CDCP2: variants seen among roughly 807,000 people sequenced by gnomAD.
CDCP2 encodes the protein CUB domain containing protein 2, also known as CUB domain-containing protein 2.
In CDCP2, 31 loss-of-function variants were observed where a neutral mutation model predicts 31.0. The ratio of observed to expected loss-of-function variants is 1.00; its 90% CI spans 0.75 to 1.35. The LOEUF (loss-of-function observed/expected upper bound fraction) is 1.35, where lower values mean the gene tolerates loss of function less well. Ranked by LOEUF, CDCP2 falls within the 40% of genes most tolerant of loss-of-function variation. CDCP2 has a pLI of 0.00. For missense variants in CDCP2, 443 were observed against 482.6 expected (o/e 0.92, Z 0.77); for synonymous variants, 206 against 207.9 (o/e 0.99, Z 0.08).
intron 1 of CDCP2, among the ~76,000 whole-genome samples, chr1:54,150,146 G>A (rs966635308): frequency 4.6e-5 from 7 of 152,244 alleles, no homozygotes; most frequent in African/African-American, 1.7e-4. Flanking sequence ...CCCGCAGGGT[G>A]AGCATGTGCT....
rs1336079359 is a variant in CDCP2, at chr1:54,136,690, CT to C, written c.1235del (p.Gln412ArgfsTer28). 1 of 399,168 alleles carries C rather than the reference CT, an allele frequency of 2.5e-6. No homozygotes were observed. The highest frequency in any genetic ancestry group is 4.4e-6 in the Non-Finnish European group (1 of 226,138). 24.7% of individuals were successfully genotyped at this position (399,168 alleles called of 1,614,324 possible). On this transcript the variant is annotated frameshift_variant, in exon 5 of 6. Transcript: ENST00000530059. LOFTEE classifies it high-confidence loss of function. ...GGATCCTGAGGTTGCCGCCGACCTCCTGGGCGGCACAGCTCCGGCTGCCCAG... is the reference window on the plus strand; with the variant it reads ...GGATCCTGAGGTTGCCGCCGACCTCCGGGCGGCACAGCTCCGGCTGCCCAG...
intron 2 of CDCP2, chr1:54,141,649 C>T (rs985748260): frequency 1.6e-5 from 8 of 512,460 alleles, no homozygotes; most frequent in Non-Finnish European, 2.8e-5. Flanking sequence ...TCAGAGTAGC[C>T]GCACAAGGAC....
intron 4 of CDCP2, 97 bp from the exon 5 acceptor site, chr1:54,136,905 G>A (rs1659267945): frequency 2.5e-6 from 1 of 398,522 alleles, no homozygotes; most frequent in Non-Finnish European, 4.4e-6. Flanking sequence ...GTGGTGGATG[G>A]GGAAACTGAG....
chr1:54,141,037 TG>T, intron 3 of CDCP2, 60 bp downstream of exon 3: 1 of 1,391,288 alleles, frequency 7.2e-7, no homozygotes, highest in Non-Finnish European at 9.7e-7. Flanking sequence ...GCAAGTGTAA[TG>T]GGGAGACAGG....
chr1:54,151,900 T>C (rs969045775), intron 1 of CDCP2, among the ~76,000 whole-genome samples: 1 of 152,006 alleles, frequency 6.6e-6, no homozygotes, highest in Non-Finnish European at 1.5e-5. Context: ...GCTTGAAGGG[T>C]GAGCCAGATG....
chr1:54,145,212 G>A (rs761894221), intron 1 of CDCP2, among the ~76,000 whole-genome samples: 3 of 152,150 alleles, frequency 2.0e-5, no homozygotes, highest in East Asian at 1.9e-4. Context: ...CAGATCACAA[G>A]GTCAGGAGTT....
chr1:54,139,945 T>C, exon 4 of CDCP2: 1 of 1,614,182 alleles, frequency 6.2e-7, no homozygotes, highest in Non-Finnish European at 8.5e-7. Flanking sequence ...TTGGTCAGGC[T>C]GTTGGGCTCC....
intron 1 of CDCP2, among the ~76,000 whole-genome samples, chr1:54,150,099 G>A (rs1316920344): frequency 6.6e-6 from 1 of 152,150 alleles, no homozygotes; most frequent in Admixed American, 6.5e-5. Flanking sequence ...CTCTAGCTGG[G>A]GAGTCTTGGG....
intron 1 of CDCP2, among the ~76,000 whole-genome samples, chr1:54,146,405 C>A (rs1212151982): frequency 6.6e-6 from 1 of 151,770 alleles, no homozygotes; most frequent in African/African-American, 2.4e-5. Context: ...GTCTCGAACT[C>A]CTGACCTCAA....
chr1:54,147,856 T>G (rs115705135), intron 1 of CDCP2, among the ~76,000 whole-genome samples: 3,693 of 150,096 alleles, frequency 0.025, 89 homozygotes, highest in African/African-American at 0.035. Flanking sequence ...CAAAAAAAAT[T>G]TAAAAATTAG....
chr1:54,135,484 C>G (rs1333737976), intron 5 of CDCP2, among the ~76,000 whole-genome samples: 1 of 152,120 alleles, frequency 6.6e-6, no homozygotes, highest in East Asian at 1.9e-4. Flanking sequence ...ATACTGACCC[C>G]AAGATTTCAT....
chr1:54,139,407 A>C, intron 4 of CDCP2: 1 of 845,302 alleles, frequency 1.2e-6, no homozygotes, highest in Non-Finnish European at 1.8e-6. Flanking sequence ...GCCATAAACA[A>C]TATTACCATA....
At chr1:54,148,235 T>G (rs573711217) in intron 1 of CDCP2, among the ~76,000 whole-genome samples, 3 of 150,122 alleles carry the variant, frequency 2.0e-5, no homozygotes, top group Admixed American at 2.0e-4. Context: ...CAAATAAAAA[T>G]TTTTATAATT....
chr1:54,137,713 G>T (rs186200198), intron 4 of CDCP2: 29 of 153,084 alleles, frequency 1.9e-4, no homozygotes, highest in African/African-American at 6.5e-4. Context: ...GTGCATGCGG[G>T]GGCAGGGGTG....
intron 1 of CDCP2, among the ~76,000 whole-genome samples, chr1:54,147,139 C>T (rs1475621778): frequency 2.1e-5 from 3 of 139,822 alleles, no homozygotes; most frequent in Non-Finnish European, 4.6e-5. Flanking sequence ...CTTCCACTGG[C>T]TAAAGAAGGT....
chr1:54,137,567 A>G (rs1308853755), intron 4 of CDCP2, among the ~76,000 whole-genome samples: 1 of 152,174 alleles, frequency 6.6e-6, no homozygotes, highest in Non-Finnish European at 1.5e-5. Flanking sequence ...ACAGGATTTC[A>G]GAGTTCGTGG....
At chr1:54,140,033 G>T (rs1659336045) in exon 4 of CDCP2, 1 of 1,613,944 alleles carries the variant, frequency 6.2e-7, no homozygotes, top group Non-Finnish European at 8.5e-7. Flanking sequence ...AGCGGATGTT[G>T]TTGGGGTAGG....
chr1:54,146,796 A>G lies in CDCP2; in HGVS notation c.80-1983T>C, dbSNP rs549769753. ...ATCAAAGACTGCTGAGATTGTGTGG[A>G]AAGACACAGAAACCTGGCCAGGCGC... On this transcript the variant is annotated intron_variant, in intron 1 of 5. Transcript: ENST00000530059. 8.0e-4 allele frequency among the ~76,000 whole-genome samples: 121 copies of G among 151,950 alleles called. 2 individuals are homozygous for G. Among genetic ancestry groups the G allele is most frequent in the Middle Eastern group, 3.4e-3 (1 of 294 alleles).
At chr1:54,145,268 A>G (rs1659444308) in intron 1 of CDCP2, among the ~76,000 whole-genome samples, 1 of 152,152 alleles carries the variant, frequency 6.6e-6, no homozygotes, top group Non-Finnish European at 1.5e-5. Flanking sequence ...TCTACTAAAA[A>G]TACAAAAATT....
Sources: gnomAD v4.1 joint callset for allele counts (sites outside exome capture counted in the v4.1 genomes callset) on GRCh38, gnomAD v4.1.1 for gene constraint, MANE v1.5 for transcripts, NCBI Gene and HGNC (gene_info 2026-07-23, HGNC 2026-07-21) for gene names.